The following ABCA10 variants were observed in gnomAD, a reference collection of about 807,000 sequenced individuals.
ABCA10 encodes the protein ATP binding cassette subfamily A member 10.
ABCA10 carries 169 observed loss-of-function variants against 187.5 expected under a neutral mutation model. The ratio of observed to expected loss-of-function variants is 0.90; its 90% CI spans 0.80 to 1.02. The LOEUF is 1.02. ABCA10 is among the 50% of genes least tolerant of loss of function. ABCA10 has a pLI of 0.00. For synonymous variants in ABCA10, 574 were observed against 601.8 expected, an observed-to-expected ratio of 0.95 and a Z score of 0.68; for missense variants, 1,727 against 1,812.4, an observed-to-expected ratio of 0.95 and a Z score of 0.86.
rs762760006 is a variant in ABCA10, at chr17:69,174,358, A to G, written c.3085T>C (p.Phe1029Leu). 2 of 1,602,584 alleles carry G rather than the reference A, an allele frequency of 1.2e-6. No homozygotes were observed. Among genetic ancestry groups the G allele is most frequent in the South Asian group, 2.3e-5 (2 of 87,708 alleles). ...CIIGCAVSLI[F>L]LTYVLSFIFR... ...ATGAATGAAAGCACATATGTGAGGAATATAAGAGAAACTGCACAACCAATT... is the reference window on the plus strand; with the variant it reads ...ATGAATGAAAGCACATATGTGAGGAGTATAAGAGAAACTGCACAACCAATT... The change falls in exon 25 of 39, where the codon TTC (phenylalanine) becomes CTC (leucine). Residue 1029 changes from phenylalanine to leucine, a missense_variant. By Grantham distance (22) the Phe-to-Leu change is conservative. Coordinates refer to ENST00000690296, the MANE Select transcript of ABCA10 (RefSeq NM_001377321.1).
rs1200845039 is a variant in ABCA10 at position 69,215,159 on chromosome 17, G to A, written c.859-308C>T. ...AACCAAATATAACATACTTTGGGAA[G>A]GAAAACTTGAAGTGGGCAACATAAT... is the stretch of plus-strand genomic sequence containing the variant. On this transcript the variant is annotated intron_variant, in intron 8 of 38. Coordinates refer to ENST00000690296, the MANE Select transcript of ABCA10 (RefSeq NM_001377321.1). 2.0e-5 allele frequency among the ~76,000 whole-genome samples: 3 copies of A among 151,990 alleles called. No individual in the cohort carries two copies. In the East Asian group the frequency reaches 5.8e-4, roughly 29 times the overall value.
intron 27 of ABCA10, among the ~76,000 whole-genome samples, chr17:69,158,255 T>A (rs9889366): frequency 0.084 from 12,697 of 151,768 alleles, 1,821 homozygotes; most frequent in African/African-American, 0.29. Context: ...GCCAATGTCA[T>A]AAAGCAAGAA....
intron 1 of ABCA10, chr17:69,234,792 G>A (rs987109293): frequency 5.3e-5 from 8 of 152,164 alleles, no homozygotes; most frequent in Non-Finnish European, 1.2e-4. Context: ...AAACAATGGC[G>A]TTCACAGAGT....
intron 27 of ABCA10, among the ~76,000 whole-genome samples, chr17:69,162,025 C>T (rs2074221927): frequency 1.3e-5 from 2 of 152,190 alleles, no homozygotes; most frequent in South Asian, 2.1e-4. Flanking sequence ...TGACAATTAA[C>T]AGCAGAAACA....
upstream of ABCA10, chr17:69,228,920 C>A (rs935043432): frequency 8.6e-5 from 13 of 151,960 alleles, no homozygotes; most frequent in Non-Finnish European, 1.5e-5. Flanking sequence ...CACATATTTA[C>A]AATTGCATGG....
At chr17:69,190,578 T>C (rs918587277) in intron 17 of ABCA10, 101 bp from the exon 18 acceptor site, 15 of 1,112,944 alleles carry the variant, frequency 1.3e-5, no homozygotes, top group Non-Finnish European at 1.8e-5. Context: ...TCTACAAATG[T>C]TTTCATATTA....
chr17:69,207,018 A>G (rs2074597091), intron 9 of ABCA10, among the ~76,000 whole-genome samples: 1 of 152,220 alleles, frequency 6.6e-6, no homozygotes, highest in African/African-American at 2.4e-5. Flanking sequence ...AGAGGTTAAT[A>G]TACAAAATAT....
At chr17:69,201,419 T>A in intron 10 of ABCA10, 81 bp downstream of exon 10, 1 of 1,226,920 alleles carries the variant, frequency 8.2e-7, no homozygotes. Flanking sequence ...GAACACATAA[T>A]CTATATCAAC....
At chr17:69,194,584 C>T (rs1378445441) in intron 11 of ABCA10, 89 bp from the exon 12 acceptor site, 1 of 739,012 alleles carries the variant, frequency 1.4e-6, no homozygotes, top group African/African-American at 1.8e-5. Flanking sequence ...TATATCTCAG[C>T]ATTTCATTTC....
At chr17:69,173,169 G>A (rs1241433110) in intron 25 of ABCA10, among the ~76,000 whole-genome samples, 1 of 152,160 alleles carries the variant, frequency 6.6e-6, no homozygotes, top group Admixed American at 6.5e-5. Context: ...AATGCCGATG[G>A]TTAAGAAGAC....
intron 6 of ABCA10, 32 bp downstream of exon 6, chr17:69,219,513 A>T: frequency 6.9e-7 from 1 of 1,449,000 alleles, no homozygotes; most frequent in Non-Finnish European, 9.3e-7. Flanking sequence ...TAATTAATGT[A>T]TGATATACAG....
At chr17:69,221,988 T>A in intron 4 of ABCA10, 93 bp from the exon 5 acceptor site, 1 of 904,372 alleles carries the variant, frequency 1.1e-6, no homozygotes, top group Non-Finnish European at 1.7e-6. Flanking sequence ...TCAAAATATC[T>A]AAATGTTAGC....
intron 16 of ABCA10, 111 bp downstream of exon 16, chr17:69,192,450 AAC>A: frequency 1.1e-6 from 1 of 884,264 alleles, no homozygotes; most frequent in African/African-American, 1.7e-5. Context: ...TTTATTGCAA[AAC>A]AGTTTCTACC....
At chr17:69,223,570 C>A in intron 3 of ABCA10, 2 of 357,456 alleles carry the variant, frequency 5.6e-6, no homozygotes, top group South Asian at 2.1e-5. Context: ...TTGTATCTCA[C>A]TCAGGGTGAA....
rs1265994874 is a variant in ABCA10 at position 69,154,009 on chromosome 17, C to T, written c.3787G>A (p.Val1263Met). ...TGCTKPTAGV[V>M]VLQGSRASVR... Reference sequence around the variant, plus strand: ...GATGCTCTGCTGCCTTGTAACACCACCTGCACAAGACAATGAATGTCAGAT... The same window carrying T: ...GATGCTCTGCTGCCTTGTAACACCATCTGCACAAGACAATGAATGTCAGAT... The change falls in exon 32 of 39, where the codon GTG becomes ATG. Residue 1263 changes from valine (V) to methionine (M), a missense_variant and splice_region_variant. Transcript: ENST00000690296. 4 of 1,613,102 alleles carry T rather than the reference C, an allele frequency of 2.5e-6. No homozygotes were observed. Among genetic ancestry groups the T allele is most frequent in the Non-Finnish European group, 3.4e-6 (4 of 1,179,434 alleles).
chr17:69,172,505 A>G (rs2074305437), intron 25 of ABCA10, among the ~76,000 whole-genome samples: 1 of 152,126 alleles, frequency 6.6e-6, no homozygotes, highest in Non-Finnish European at 1.5e-5. Flanking sequence ...GAAGAAATCA[A>G]CCTTGCCAAT....
intron 22 of ABCA10, among the ~76,000 whole-genome samples, chr17:69,180,170 G>A (rs1489978134): frequency 1.3e-5 from 2 of 152,090 alleles, no homozygotes; most frequent in African/African-American, 4.8e-5. Flanking sequence ...TTAAAGACAG[G>A]ACTATTACAG....
rs751049755 is a variant in ABCA10 at position 69,222,578 on chromosome 17, A to G, written c.154T>C (p.Trp52Arg). ...DTFSYRLKFNWGYRIPVIKEH... is the reference protein window; with the variant it reads ...DTFSYRLKFNRGYRIPVIKEH... ...TTTATAACTGGGATTCTATATCCCC[A>G]ATTAAACTTCAGGCGATATGAGAAA... is the stretch of plus-strand genomic sequence containing the variant. Residue 52 changes from tryptophan to arginine, a missense_variant, in exon 4 of 39, where the codon TGG becomes CGG. Trp to Arg is a moderately radical substitution (Grantham distance 101). Coordinates refer to ENST00000690296, the MANE Select transcript of ABCA10 (RefSeq NM_001377321.1). 4.4e-6 allele frequency: 7 copies of G among 1,596,818 alleles called. No individual in the cohort carries two copies. The highest frequency in any genetic ancestry group is 6.0e-6 in the Non-Finnish European group (7 of 1,175,958).
At chr17:69,180,801 TTTC>T (rs1342753752) in intron 22 of ABCA10, among the ~76,000 whole-genome samples, 2 of 152,170 alleles carry the variant, frequency 1.3e-5, no homozygotes, top group Non-Finnish European at 2.9e-5. Flanking sequence ...ATGGTATTAA[TTTC>T]TTATTATGCA....
Sources: gnomAD v4.1 joint callset for allele counts (sites outside exome capture counted in the v4.1 genomes callset) on GRCh38, gnomAD v4.1.1 for gene constraint, MANE v1.5 for transcripts, NCBI Gene and HGNC (gene_info 2026-07-23, HGNC 2026-07-21) for gene names.